The following GNAT3 variants were observed in gnomAD, a reference collection of about 807,000 sequenced individuals.
The protein encoded by GNAT3 is guanine nucleotide-binding protein G(t) subunit alpha-3.
A neutral mutation model predicts 37.7 loss-of-function variants in GNAT3; 31 were observed. That is an observed-to-expected ratio of 0.82 (90% CI 0.62 to 1.11). The LOEUF is 1.11. GNAT3 is among the 50% of genes most tolerant of loss of function. The pLI, the probability that GNAT3 is intolerant of heterozygous loss-of-function variation, is 0.00. For synonymous variants in GNAT3, 138 were observed against 139.8 expected (o/e 0.99, Z 0.09); for missense variants, 437 against 412.5 (o/e 1.06, Z -0.51).
intron 4 of GNAT3, among the ~76,000 whole-genome samples, chr7:80,475,463 T>G (rs1790288002): frequency 6.6e-6 from 1 of 152,084 alleles, no homozygotes; most frequent in South Asian, 2.1e-4. Flanking sequence ...AATATCACTA[T>G]TTCTGTAAAA....
intron 1 of GNAT3, among the ~76,000 whole-genome samples, chr7:80,507,806 TCTC>T (rs1562737111): frequency 6.6e-6 from 1 of 152,002 alleles, no homozygotes; most frequent in Non-Finnish European, 1.5e-5. Flanking sequence ...AAATCATAAT[TCTC>T]CTACTACATA....
intron 1 of GNAT3, among the ~76,000 whole-genome samples, chr7:80,509,769 C>T (rs1791027004): frequency 6.6e-6 from 1 of 152,010 alleles, no homozygotes; most frequent in Admixed American, 6.6e-5. Context: ...TTACATTGAA[C>T]CTTTTTGACC....
At chr7:80,487,778 G>A (rs1011993674) in intron 3 of GNAT3, 1 of 152,170 alleles carries the variant, frequency 6.6e-6, no homozygotes, top group Non-Finnish European at 1.5e-5. Context: ...ACATATGGAA[G>A]TGGGTGAGTT....
In GNAT3 at chr7:80,494,173, G is replaced by A. The variant is rs369744705; in HGVS notation, c.161+432C>T. 1.2e-4 allele frequency among the ~76,000 whole-genome samples: 19 copies of A among 152,212 alleles called. No individual in the cohort carries two copies. The East Asian group carries it at 3.5e-3, about 28-fold the overall frequency. ...AAAAGGAAAAAGTAGAGAAACAAAT[G>A]CAAAAATACATCACAATTCATGATA... On this transcript the variant is annotated intron_variant, in intron 2 of 7. Coordinates refer to ENST00000398291, the MANE Select transcript of GNAT3 (RefSeq NM_001102386.3).
intron 5 of GNAT3, among the ~76,000 whole-genome samples, chr7:80,470,860 A>G (rs1790202604): frequency 6.6e-6 from 1 of 151,848 alleles, no homozygotes; most frequent in Non-Finnish European, 1.5e-5. Context: ...CTACTCTGTG[A>G]TGGTTAATAC....
At chr7:80,489,933 G>T (rs1039911557) in intron 2 of GNAT3, among the ~76,000 whole-genome samples, 13 of 152,052 alleles carry the variant, frequency 8.5e-5, no homozygotes, top group Admixed American at 7.2e-4. Context: ...ATGAGAAGAT[G>T]AAGAAACATT....
chr7:80,487,817 T>A (rs1021494228), intron 3 of GNAT3: 1 of 152,110 alleles, frequency 6.6e-6, no homozygotes, highest in Non-Finnish European at 1.5e-5. Flanking sequence ...CCGTTACTCT[T>A]TTTTTTGGGT....
intron 1 of GNAT3, among the ~76,000 whole-genome samples, chr7:80,508,270 T>C (rs947851556): frequency 2.0e-5 from 3 of 148,348 alleles, no homozygotes; most frequent in African/African-American, 7.9e-5. Context: ...GATGGAAATT[T>C]GCAAAAAAAA....
intron 5 of GNAT3, among the ~76,000 whole-genome samples, chr7:80,466,783 C>T (rs751378834): frequency 6.6e-6 from 1 of 152,108 alleles, no homozygotes; most frequent in Non-Finnish European, 1.5e-5. Context: ...ATGGCTATGT[C>T]TTAATTTGCT....
At chr7:80,462,426 T>C in intron 6 of GNAT3, 76 bp downstream of exon 6, 2 of 1,565,350 alleles carry the variant, frequency 1.3e-6, no homozygotes, top group Non-Finnish European at 1.8e-6. Context: ...CCTTCATGAG[T>C]TGGGCAATGT....
chr7:80,471,422 T>C (rs1790217338), intron 5 of GNAT3, among the ~76,000 whole-genome samples: 1 of 151,946 alleles, frequency 6.6e-6, no homozygotes, highest in Non-Finnish European at 1.5e-5. Context: ...ATTTTATGAT[T>C]GTTTATATTA....
chr7:80,462,756 T>C (rs1790072814), intron 5 of GNAT3, 125 bp from the exon 6 acceptor site: 1 of 632,326 alleles, frequency 1.6e-6, no homozygotes. Context: ...TTGACTTTTA[T>C]TGATTATAAA....
chr7:80,494,636 A>G lies in GNAT3; in HGVS notation c.130T>C (p.Ser44Pro). 1 of 1,527,436 alleles carries G rather than the reference A, an allele frequency of 6.5e-7. No homozygotes were observed. Among genetic ancestry groups the G allele is most frequent in the South Asian group, 1.2e-5 (1 of 84,574 alleles). 94.6% of individuals were successfully genotyped at this position (1,527,436 alleles called of 1,614,324 possible). The change falls in exon 2 of 8, where the codon TCT becomes CCT. Residue 44 changes from serine (S) to proline (P), a missense_variant. Physicochemically the swap from Ser to Pro is moderately conservative, Grantham distance 74 (BLOSUM62 -1). Coordinates refer to ENST00000398291, the MANE Select transcript of GNAT3 (RefSeq NM_001102386.3). ...VKLLLLGAGE[S>P]GKSTIVKQMK... Reference sequence around the variant, plus strand: ...TGTTTAACAATAGTACTTTTCCCAGATTCTCCTGCTCCTGCAACATAAAAA... The same window carrying G: ...TGTTTAACAATAGTACTTTTCCCAGGTTCTCCTGCTCCTGCAACATAAAAA...
intron 2 of GNAT3, among the ~76,000 whole-genome samples, chr7:80,490,699 C>A (rs1275761836): frequency 6.6e-6 from 1 of 152,108 alleles, no homozygotes; most frequent in African/African-American, 2.4e-5. Context: ...TTACAATAAG[C>A]CCTTTAAAGT....
intron 5 of GNAT3, among the ~76,000 whole-genome samples, chr7:80,471,506 T>C (rs1382297697): frequency 2.6e-5 from 4 of 152,046 alleles, no homozygotes; most frequent in African/African-American, 9.7e-5. Flanking sequence ...TATTGGCAGT[T>C]GTCTCGTACC....
intron 7 of GNAT3, among the ~76,000 whole-genome samples, chr7:80,460,235 CAT>C (rs1267274974): frequency 2.6e-5 from 4 of 152,084 alleles, no homozygotes; most frequent in African/African-American, 9.7e-5. Flanking sequence ...TGCTACATGT[CAT>C]ATGATTCCAG....
At chr7:80,500,931 G>C (rs1790820997) in intron 1 of GNAT3, among the ~76,000 whole-genome samples, 1 of 150,916 alleles carries the variant, frequency 6.6e-6, no homozygotes, top group Admixed American at 6.6e-5. Flanking sequence ...TGTATTGCTG[G>C]CATTGGTTGG....
intron 1 of GNAT3, among the ~76,000 whole-genome samples, chr7:80,497,594 G>A (rs912000170): frequency 1.5e-5 from 2 of 130,954 alleles, no homozygotes; most frequent in Non-Finnish European, 3.2e-5. Context: ...ATACATATAC[G>A]TATATACATA....
At chr7:80,502,153 G>A (rs1047618090) in intron 1 of GNAT3, among the ~76,000 whole-genome samples, 2 of 151,980 alleles carry the variant, frequency 1.3e-5, no homozygotes, top group Non-Finnish European at 2.9e-5. Flanking sequence ...TAAGAGGACA[G>A]GAAACAACTT....
Sources: gnomAD v4.1 joint callset for allele counts (sites outside exome capture counted in the v4.1 genomes callset) on GRCh38, gnomAD v4.1.1 for gene constraint, MANE v1.5 for transcripts, NCBI Gene and HGNC (gene_info 2026-07-23, HGNC 2026-07-21) for gene names.